The following STXBP5L variants were observed in gnomAD, a reference collection of about 807,000 sequenced individuals.
STXBP5L encodes syntaxin-binding protein 5-like.
Under a neutral mutation model 144.5 loss-of-function variants are expected in STXBP5L, and 65 were observed. That is an observed-to-expected ratio of 0.45 (90% CI 0.37 to 0.55). The LOEUF is 0.55. Ranked by LOEUF, STXBP5L falls within the 20% of genes least tolerant of loss-of-function variation. The probability of loss-of-function intolerance (pLI) is 0.00; values close to 1 mark genes in which losing one functional copy is unlikely to be tolerated. For missense variants in STXBP5L, 1,298 were observed against 1,405.5 expected (o/e 0.92, Z 1.22); for synonymous variants, 505 against 469.6 (o/e 1.08, Z -0.97).
chr3:121,070,021 T>C (rs987187381), intron 5 of STXBP5L, among the ~76,000 whole-genome samples: 5 of 152,224 alleles, frequency 3.3e-5, no homozygotes, highest in Non-Finnish European at 1.5e-5. Context: ...TTTCAAAGAA[T>C]TTTTAAATTT....
chr3:121,187,931 G>A lies in STXBP5L; in HGVS notation c.878-17992G>A, dbSNP rs117538044. ...AAAACAGACTTTAAACCAACAAAGA[G>A]ACAGAGAAGGGCATTACATAATGGT... On this transcript the variant is annotated intron_variant, in intron 9 of 26. Coordinates refer to ENST00000471454, the MANE Select transcript of STXBP5L (RefSeq NM_001308330.2). 1.3e-4 allele frequency among the ~76,000 whole-genome samples: 20 copies of A among 151,798 alleles called. No individual in the cohort carries two copies. In the East Asian group the frequency reaches 3.9e-3, roughly 29 times the overall value.
chr3:121,279,732 T>G, intron 18 of STXBP5L, 73 bp from the exon 19 acceptor site: 1 of 1,555,832 alleles, frequency 6.4e-7, no homozygotes, highest in South Asian at 1.1e-5. Context: ...TCAATAATCC[T>G]ATGATTGATT....
chr3:121,173,271 A>G (rs1395140766), intron 9 of STXBP5L, among the ~76,000 whole-genome samples: 1 of 151,860 alleles, frequency 6.6e-6, no homozygotes, highest in Non-Finnish European at 1.5e-5. Context: ...TGGCACGTGT[A>G]TACTTATGTA....
intron 9 of STXBP5L, among the ~76,000 whole-genome samples, chr3:121,165,117 C>T (rs1173479735): frequency 6.6e-6 from 1 of 152,086 alleles, no homozygotes; most frequent in Non-Finnish European, 1.5e-5. Context: ...TATGTACATT[C>T]CATAACGTCA....
chr3:121,229,793 A>G (rs556405633), intron 11 of STXBP5L, among the ~76,000 whole-genome samples: 89 of 152,126 alleles, frequency 5.9e-4, no homozygotes, highest in Middle Eastern at 3.4e-3. Flanking sequence ...GCCTCAAACA[A>G]TCCTCCCACC....
At chr3:121,005,088 C>T (rs1451484064) in intron 3 of STXBP5L, among the ~76,000 whole-genome samples, 1 of 152,160 alleles carries the variant, frequency 6.6e-6, no homozygotes, top group African/African-American at 2.4e-5. Context: ...GGAGGATTCC[C>T]TCTATTTCTA....
At chr3:121,028,613 T>C (rs1438594592) in intron 3 of STXBP5L, among the ~76,000 whole-genome samples, 1 of 152,104 alleles carries the variant, frequency 6.6e-6, no homozygotes, top group Non-Finnish European at 1.5e-5. Flanking sequence ...TTACAGTCAG[T>C]TTTCAAAAAT....
At chr3:121,052,295 A>G (rs1357402460) in intron 5 of STXBP5L, among the ~76,000 whole-genome samples, 2 of 152,170 alleles carry the variant, frequency 1.3e-5, no homozygotes, top group African/African-American at 2.4e-5. Flanking sequence ...ATAACCAAAA[A>G]AGAGAATTTA....
At chr3:120,963,802 G>C (rs889263151) in intron 3 of STXBP5L, among the ~76,000 whole-genome samples, 2 of 152,130 alleles carry the variant, frequency 1.3e-5, no homozygotes, top group South Asian at 4.1e-4. Flanking sequence ...GAATTTGGGA[G>C]GATTTCCTCT....
chr3:120,909,476 G>C lies in STXBP5L; in HGVS notation c.-8-95G>C, dbSNP rs965199047. 3 of 1,129,166 alleles carry C rather than the reference G, an allele frequency of 2.7e-6. No individual in the cohort carries two copies. In the African/African-American group the frequency reaches 4.8e-5, roughly 18 times the overall value. 69.9% of individuals were successfully genotyped at this position (1,129,166 alleles called of 1,614,324 possible). On this transcript the variant is annotated intron_variant, in intron 1 of 26. Coordinates refer to ENST00000471454, the MANE Select transcript of STXBP5L (RefSeq NM_001308330.2). Reference sequence around the variant, plus strand: ...AACCAATGCTCATAAAATGGGGACTGACTTGACTAATGAAAAGAGAAAGGC... The same window carrying C: ...AACCAATGCTCATAAAATGGGGACTCACTTGACTAATGAAAAGAGAAAGGC...
chr3:121,037,868 A>T (rs770082039), intron 3 of STXBP5L, among the ~76,000 whole-genome samples: 8 of 152,060 alleles, frequency 5.3e-5, no homozygotes, highest in Middle Eastern at 3.4e-3. Context: ...TAAATTTCCT[A>T]CTTCTCCTTG....
intron 3 of STXBP5L, among the ~76,000 whole-genome samples, chr3:121,014,457 T>G (rs1945000120): frequency 6.6e-6 from 1 of 152,026 alleles, no homozygotes; most frequent in Admixed American, 6.6e-5. Flanking sequence ...GCATAATGAT[T>G]TAATCTTGTA....
intron 9 of STXBP5L, among the ~76,000 whole-genome samples, chr3:121,184,759 A>G (rs1009084532): frequency 6.6e-6 from 1 of 152,126 alleles, no homozygotes; most frequent in Non-Finnish European, 1.5e-5. Context: ...AAGACACACA[A>G]TTGTCTGATT....
chr3:121,008,492 C>G (rs996828020), intron 3 of STXBP5L, among the ~76,000 whole-genome samples: 55 of 151,980 alleles, frequency 3.6e-4, no homozygotes, highest in African/African-American at 1.3e-3. Flanking sequence ...TCTACTTCTA[C>G]TTTTTGGTTC....
intron 19 of STXBP5L, among the ~76,000 whole-genome samples, chr3:121,306,117 T>C (rs1030357713): frequency 1.3e-5 from 2 of 152,144 alleles, no homozygotes. Flanking sequence ...AAAACAACCA[T>C]GTAAAGTCTC....
intron 20 of STXBP5L, among the ~76,000 whole-genome samples, chr3:121,346,346 T>C (rs1010296672): frequency 6.6e-6 from 1 of 152,162 alleles, no homozygotes; most frequent in South Asian, 2.1e-4. Flanking sequence ...TAATCCACTC[T>C]ATCACTGATG....
intron 5 of STXBP5L, among the ~76,000 whole-genome samples, chr3:121,104,753 G>A (rs1001304947): frequency 2.6e-5 from 4 of 152,104 alleles, no homozygotes; most frequent in African/African-American, 9.7e-5. Context: ...ACTCAAGATG[G>A]ATCAAAGACT....
intron 3 of STXBP5L, among the ~76,000 whole-genome samples, chr3:120,963,320 G>A (rs947315205): frequency 1.3e-5 from 2 of 152,140 alleles, no homozygotes; most frequent in African/African-American, 4.8e-5. Context: ...ATGTTGAATA[G>A]GAATAGTGAG....
At chr3:120,977,599 G>C (rs995279912) in intron 3 of STXBP5L, among the ~76,000 whole-genome samples, 21 of 152,222 alleles carry the variant, frequency 1.4e-4, no homozygotes, top group African/African-American at 5.1e-4. Context: ...GATGTTAGCT[G>C]GTTATTTTGC....
Sources: gnomAD v4.1 joint callset for allele counts (sites outside exome capture counted in the v4.1 genomes callset) on GRCh38, gnomAD v4.1.1 for gene constraint, MANE v1.5 for transcripts, NCBI Gene and HGNC (gene_info 2026-07-23, HGNC 2026-07-21) for gene names.